MYO3B: variants seen among roughly 807,000 people sequenced by gnomAD.
MYO3B encodes myosin IIIB.
A neutral mutation model predicts 174.6 loss-of-function variants in MYO3B; 156 were observed. That is an observed-to-expected ratio of 0.89 (90% CI 0.78 to 1.02). The LOEUF (loss-of-function observed/expected upper bound fraction) is 1.02, where lower values mean the gene tolerates loss of function less well. Ranked by LOEUF, MYO3B falls within the 50% of genes least tolerant of loss-of-function variation. The pLI, the probability that MYO3B is intolerant of heterozygous loss-of-function variation, is 0.00. For synonymous variants in MYO3B, 563 were observed against 569.1 expected (o/e 0.99, Z 0.15); for missense variants, 1,632 against 1,639.4 (o/e 1.00, Z 0.08).
Position 170,369,515 on chromosome 2 carries a change from T to G in MYO3B, c.971+138T>G. 3 of 947,330 alleles carry G rather than the reference T, an allele frequency of 3.2e-6. No homozygotes were observed. In the South Asian group the frequency reaches 5.9e-5, roughly 19 times the overall value. The allele number at this position is 947,330 out of a possible 1,614,324, so 58.7% of individuals were successfully genotyped here. On this transcript the variant is annotated intron_variant, in intron 9 of 34. Transcript: ENST00000408978. ...AGAGTTTTATTTACATGACATTAAG[T>G]ACTCCATGCCCAGTGGATGAGAGCA...
At chr2:170,642,787 C>G (rs1698078940) in intron 32 of MYO3B, among the ~76,000 whole-genome samples, 3 of 152,066 alleles carry the variant, frequency 2.0e-5, no homozygotes. Context: ...ATCTGAGCTA[C>G]CAGGGCATAC....
chr2:170,652,479 C>T (rs1699074867), intron 34 of MYO3B, among the ~76,000 whole-genome samples: 1 of 152,122 alleles, frequency 6.6e-6, no homozygotes, highest in African/African-American at 2.4e-5. Flanking sequence ...CTACGAAGTA[C>T]AAATAGGCCA....
Position 170,206,049 on chromosome 2 carries a change from C to G in MYO3B, c.321+5765C>G, listed in dbSNP as rs1036229624. Reference sequence around the variant, plus strand: ...TGTCATTGGCCTTCCTCCTCCATCTCCCTGCCCCAGGATTCTGGCATCCTT... The same window carrying G: ...TGTCATTGGCCTTCCTCCTCCATCTGCCTGCCCCAGGATTCTGGCATCCTT... On this transcript the variant is annotated intron_variant, in intron 3 of 34. Coordinates refer to ENST00000408978, the MANE Select transcript of MYO3B (RefSeq NM_138995.5). This position sits in a 1 kb window ranked among gnomAD's most constrained non-coding sequence, Gnocchi z 4.3. Among the ~76,000 whole-genome samples the G allele has an allele frequency of 1.3e-5, 2 of 152,126 alleles. No individual in the cohort carries two copies. Among genetic ancestry groups the G allele is most frequent in the African/African-American group, 4.8e-5 (2 of 41,440 alleles).
chr2:170,198,699 G>A (rs751292656), intron 1 of MYO3B, among the ~76,000 whole-genome samples: 3 of 152,114 alleles, frequency 2.0e-5, no homozygotes, highest in African/African-American at 7.2e-5. Context: ...TTTCACTCAA[G>A]TTATCTAACA....
intron 22 of MYO3B, among the ~76,000 whole-genome samples, chr2:170,434,505 G>A (rs551848975): frequency 6.6e-6 from 1 of 152,250 alleles, no homozygotes; most frequent in East Asian, 1.9e-4. Flanking sequence ...TATTGGCTAG[G>A]GTTAGACCAC....
chr2:170,397,561 T>C (rs746008554), intron 16 of MYO3B, among the ~76,000 whole-genome samples: 1 of 152,250 alleles, frequency 6.6e-6, no homozygotes, highest in Non-Finnish European at 1.5e-5. Flanking sequence ...ATGATACATA[T>C]GTATTCAACT....
At chr2:170,409,338 G>A (rs549508907) in intron 22 of MYO3B, among the ~76,000 whole-genome samples, 3 of 152,286 alleles carry the variant, frequency 2.0e-5, no homozygotes, top group East Asian at 1.9e-4. Flanking sequence ...CCGCCGCTGC[G>A]TCTTTTTTAC....
chr2:170,413,571 C>T (rs1342805399), intron 22 of MYO3B, among the ~76,000 whole-genome samples: 1 of 152,058 alleles, frequency 6.6e-6, no homozygotes, highest in Non-Finnish European at 1.5e-5. Flanking sequence ...CCAGGGTGCA[C>T]CCACGGTGTT....
chr2:170,566,332 CAAAT>C (rs529683046), intron 32 of MYO3B, among the ~76,000 whole-genome samples: 169 of 152,236 alleles, frequency 1.1e-3, no homozygotes, highest in African/African-American at 3.9e-3. Flanking sequence ...TACATGGTGA[CAAAT>C]AAAAATTATG....
chr2:170,186,651 A>C (rs554696715), intron 1 of MYO3B, among the ~76,000 whole-genome samples: 62 of 152,166 alleles, frequency 4.1e-4, no homozygotes, highest in Non-Finnish European at 8.4e-4. Context: ...TGAGTTTGAA[A>C]GTATTCCCTC....
At chr2:170,204,858 T>C (rs2092698806) in intron 3 of MYO3B, among the ~76,000 whole-genome samples, 1 of 151,906 alleles carries the variant, frequency 6.6e-6, no homozygotes, top group South Asian at 2.1e-4. Flanking sequence ...CATTTAAATA[T>C]AATTCTTTGT....
intron 23 of MYO3B, among the ~76,000 whole-genome samples, chr2:170,444,487 C>A (rs540838745): frequency 6.6e-6 from 1 of 152,218 alleles, no homozygotes; most frequent in South Asian, 2.1e-4. Flanking sequence ...TTCTATCCTT[C>A]CAGCTAAAGT....
At chr2:170,557,148 AT>A (rs71006102) in intron 32 of MYO3B, among the ~76,000 whole-genome samples, 3 of 146,722 alleles carry the variant, frequency 2.0e-5, no homozygotes, top group Non-Finnish European at 3.0e-5. Context: ...TTTTATTTTT[AT>A]TTTTTTTTGA....
chr2:170,625,804 G>C (rs549042776), intron 32 of MYO3B, among the ~76,000 whole-genome samples: 88 of 152,218 alleles, frequency 5.8e-4, no homozygotes, highest in African/African-American at 1.9e-3. Context: ...CCTTCATTTC[G>C]TTATGTACCC....
intron 32 of MYO3B, among the ~76,000 whole-genome samples, chr2:170,597,003 G>C (rs1165717986): frequency 2.0e-5 from 3 of 152,104 alleles, no homozygotes; most frequent in Non-Finnish European, 4.4e-5. Flanking sequence ...CCGTTTCAGG[G>C]ATGTAGTGCC....
intron 14 of MYO3B, among the ~76,000 whole-genome samples, chr2:170,390,119 A>G (rs529724191): frequency 1.1e-4 from 16 of 152,342 alleles, no homozygotes; most frequent in African/African-American, 3.6e-4. Flanking sequence ...TATCTTAAAT[A>G]TACACAATAA....
chr2:170,193,855 C>T (rs948675738), intron 1 of MYO3B, among the ~76,000 whole-genome samples: 1 of 151,980 alleles, frequency 6.6e-6, no homozygotes, highest in Admixed American at 6.6e-5. Context: ...ATTTAAATCT[C>T]AGTTTCTTAA....
At chr2:170,457,819 A>T (rs1284343275) in intron 23 of MYO3B, among the ~76,000 whole-genome samples, 1 of 152,124 alleles carries the variant, frequency 6.6e-6, no homozygotes, top group Non-Finnish European at 1.5e-5. Context: ...CAGTGCCATG[A>T]TCGTGGCTCA....
chr2:170,631,294 G>T (rs1696950875), intron 32 of MYO3B, among the ~76,000 whole-genome samples: 2 of 152,030 alleles, frequency 1.3e-5, no homozygotes, highest in Admixed American at 6.6e-5. Context: ...GGAAGAAAGG[G>T]TATCAATGAT....
Sources: gnomAD v4.1 joint callset for allele counts (sites outside exome capture counted in the v4.1 genomes callset) on GRCh38, gnomAD v4.1.1 for gene constraint, Gnocchi (gnomAD v3.1) non-coding constraint, MANE v1.5 for transcripts, NCBI Gene and HGNC (gene_info 2026-07-23, HGNC 2026-07-21) for gene names.